The following CERT1 variants were observed in gnomAD, a reference collection of about 807,000 sequenced individuals.
The protein encoded by CERT1 is ceramide transfer protein.
A neutral mutation model predicts 87.9 loss-of-function variants in CERT1; 31 were observed. That is an observed-to-expected ratio of 0.35 (90% CI 0.27 to 0.48). The LOEUF (loss-of-function observed/expected upper bound fraction) is 0.48, where lower values mean the gene tolerates loss of function less well. Among genes scored for constraint, CERT1 ranks in the 20% least tolerant of loss-of-function variants. The probability of loss-of-function intolerance (pLI) is 0.99; values close to 1 mark genes in which losing one functional copy is unlikely to be tolerated. For synonymous variants in CERT1, 289 were observed against 250.9 expected, an observed-to-expected ratio of 1.15 and a Z score of -1.44; for missense variants, 487 against 758.0, an observed-to-expected ratio of 0.64 and a Z score of 4.20.
chr5:75,413,234 G>T (rs533869800), intron 7 of CERT1, among the ~76,000 whole-genome samples: 7 of 152,280 alleles, frequency 4.6e-5, no homozygotes, highest in Non-Finnish European at 7.3e-5. Flanking sequence ...GACCACAGTT[G>T]TATATGTGGT....
At chr5:75,387,984 C>T (rs909685480) in intron 12 of CERT1, among the ~76,000 whole-genome samples, 5 of 152,136 alleles carry the variant, frequency 3.3e-5, no homozygotes, top group Admixed American at 6.5e-5. Flanking sequence ...ACTTCCTCCT[C>T]CCCAGAGGGA....
In CERT1 at chr5:75,511,209, G is replaced by C; in HGVS notation, c.-2C>G. The C allele has an allele frequency of 6.2e-7, 1 of 1,612,908 alleles. No homozygotes were observed. The highest frequency in any genetic ancestry group is 2.2e-5 in the East Asian group (1 of 44,826). On this transcript the variant is annotated 5_prime_UTR_variant, in exon 1 of 17. Transcript: ENST00000643780. The stretch of plus-strand genomic sequence containing the variant: ...GTTCCAGCTCTGATTATCCGACATG[G>C]AGGCTCGACAACCGAGCAGGAGACC...
chr5:75,396,672 T>C (rs1036395207), intron 11 of CERT1, among the ~76,000 whole-genome samples: 58 of 144,736 alleles, frequency 4.0e-4, no homozygotes, highest in Non-Finnish European at 1.6e-4. Flanking sequence ...GAGGGTGCAG[T>C]GAGCCAAGAT....
intron 2 of CERT1, among the ~76,000 whole-genome samples, chr5:75,476,378 C>T (rs148520108): frequency 3.3e-5 from 5 of 151,826 alleles, no homozygotes; most frequent in African/African-American, 9.7e-5. Flanking sequence ...GTATATATAA[C>T]GGAATGATTA....
intron 8 of CERT1, among the ~76,000 whole-genome samples, chr5:75,408,572 C>A (rs2112116056): frequency 6.6e-6 from 1 of 152,082 alleles, no homozygotes; most frequent in Non-Finnish European, 1.5e-5. Context: ...TGAGTGGGAG[C>A]TAAATAATAG....
At chr5:75,460,117 T>TA (rs1765165187) in intron 2 of CERT1, among the ~76,000 whole-genome samples, 1 of 152,116 alleles carries the variant, frequency 6.6e-6, no homozygotes, top group East Asian at 1.9e-4. Context: ...AGCATATATA[T>TA]TTTTTAAGGC....
chr5:75,455,208 A>G (rs1443256589), intron 3 of CERT1, among the ~76,000 whole-genome samples: 1 of 152,228 alleles, frequency 6.6e-6, no homozygotes, highest in East Asian at 1.9e-4. Flanking sequence ...CAATGTTTCA[A>G]AAGTTGAACA....
At chr5:75,452,527 A>G (rs1764807252) in intron 3 of CERT1, among the ~76,000 whole-genome samples, 2 of 152,154 alleles carry the variant, frequency 1.3e-5, no homozygotes, top group Admixed American at 1.3e-4. Context: ...TTTCATAGTA[A>G]GCAGAAACTT....
At chr5:75,439,569 A>G (rs1040461888) in intron 3 of CERT1, among the ~76,000 whole-genome samples, 4 of 152,066 alleles carry the variant, frequency 2.6e-5, no homozygotes, top group African/African-American at 9.7e-5. Flanking sequence ...CTCCATTTTA[A>G]TTATGGAAAA....
At chr5:75,503,662 C>T (rs1767487883) in intron 2 of CERT1, among the ~76,000 whole-genome samples, 1 of 151,774 alleles carries the variant, frequency 6.6e-6, no homozygotes, top group Admixed American at 6.6e-5. Context: ...CATCTTTTTA[C>T]TTCTACTTTT....
At chr5:75,387,805 T>C (rs1437316752) in intron 12 of CERT1, among the ~76,000 whole-genome samples, 2 of 152,084 alleles carry the variant, frequency 1.3e-5, no homozygotes, top group African/African-American at 2.4e-5. Context: ...TTGTAGACAA[T>C]TGTTATAGAC....
intron 8 of CERT1, among the ~76,000 whole-genome samples, chr5:75,405,343 T>C (rs1170228819): frequency 6.6e-6 from 1 of 152,186 alleles, no homozygotes; most frequent in Non-Finnish European, 1.5e-5. Context: ...CCTTTAAATG[T>C]TGGTGTTCCT....
chr5:75,465,074 C>A (rs1467311566), intron 2 of CERT1, among the ~76,000 whole-genome samples: 1 of 152,176 alleles, frequency 6.6e-6, no homozygotes, highest in East Asian at 1.9e-4. Context: ...TGCACACATG[C>A]ATGGTTCAGG....
intron 2 of CERT1, among the ~76,000 whole-genome samples, chr5:75,479,717 C>CT (rs1305572367): frequency 2.0e-5 from 3 of 151,912 alleles, no homozygotes; most frequent in South Asian, 2.1e-4. Context: ...GACTCCATGT[C>CT]TTTTTTTTAT....
downstream of CERT1, chr5:75,373,245 G>C (rs1338173804): frequency 1.3e-5 from 2 of 152,132 alleles, no homozygotes; most frequent in African/African-American, 4.8e-5. Context: ...CAGAAATATT[G>C]AATTAAATGT....
In CERT1 at chr5:75,495,890, T is replaced by G. The variant is rs557117775; in HGVS notation, c.231+10092A>C. On this transcript the variant is annotated intron_variant, in intron 2 of 16. Transcript: ENST00000643780. Reference sequence around the variant, plus strand: ...ACATATGTAACTAACCTGCACATTGTGCACATGTACCCTAAAACTTAAAGT... The same window carrying G: ...ACATATGTAACTAACCTGCACATTGGGCACATGTACCCTAAAACTTAAAGT... Among the ~76,000 whole-genome samples the G allele has an allele frequency of 4.6e-5, 7 of 152,012 alleles. No homozygotes were observed. The East Asian group carries it at 9.7e-4, about 21-fold the overall frequency.
At chr5:75,438,890 G>C (rs2112236762) in intron 3 of CERT1, among the ~76,000 whole-genome samples, 1 of 151,846 alleles carries the variant, frequency 6.6e-6, no homozygotes, top group South Asian at 2.1e-4. Flanking sequence ...CTACAGTAAT[G>C]AGACCATACC....
At chr5:75,408,697 G>A (rs1315967065) in intron 8 of CERT1, among the ~76,000 whole-genome samples, 1 of 151,784 alleles carries the variant, frequency 6.6e-6, no homozygotes, top group African/African-American at 2.4e-5. Flanking sequence ...TTTGGGTAAG[G>A]GGCACACTAG....
chr5:75,466,974 C>G (rs916100229), intron 2 of CERT1, among the ~76,000 whole-genome samples: 1 of 152,142 alleles, frequency 6.6e-6, no homozygotes, highest in Non-Finnish European at 1.5e-5. Context: ...GAATGCTGAA[C>G]ATAAAATTCA....
Sources: allele counts gnomAD v4.1 joint callset (sites outside exome capture counted in the v4.1 genomes callset), GRCh38; gene constraint gnomAD v4.1.1; transcripts MANE v1.5; gene names NCBI Gene and HGNC (gene_info 2026-07-23, HGNC 2026-07-21).